LRRN3: variants seen among roughly 807,000 people sequenced by gnomAD.
The protein encoded by LRRN3 is leucine rich repeat neuronal 3, also known as leucine-rich repeat neuronal protein 3.
A neutral mutation model predicts 40.1 loss-of-function variants in LRRN3; 15 were observed. The ratio of observed to expected loss-of-function variants is 0.37; its 90% confidence interval spans 0.25 to 0.58. The LOEUF (loss-of-function observed/expected upper bound fraction) is 0.58. LRRN3 is among the 20% of genes least tolerant of loss of function. The pLI, the probability that LRRN3 is intolerant of heterozygous loss-of-function variation, is 0.72. For synonymous variants in LRRN3, 308 were observed against 297.2 expected (o/e 1.04, Z -0.37); for missense variants, 746 against 837.7 (o/e 0.89, Z 1.35).
chr7:111,122,052 G>C (rs1035184454), intron 2 of LRRN3, among the ~76,000 whole-genome samples: 7 of 146,732 alleles, frequency 4.8e-5, no homozygotes, highest in Non-Finnish European at 1.0e-4. Context: ...ACACAGGAAG[G>C]GGAACATCAC....
chr7:111,108,044 GT>G (rs990334349), intron 2 of LRRN3, among the ~76,000 whole-genome samples: 2 of 151,922 alleles, frequency 1.3e-5, no homozygotes, highest in Non-Finnish European at 1.5e-5. Context: ...TACTGTTTTT[GT>G]TTTTATTGTT....
intron 2 of LRRN3, among the ~76,000 whole-genome samples, chr7:111,117,196 C>A (rs1799983878): frequency 6.6e-6 from 1 of 152,000 alleles, no homozygotes; most frequent in South Asian, 2.1e-4. Context: ...TTAAAAAACA[C>A]AAAGGTTAAA....
chr7:111,103,345 T>C (rs923825330), intron 2 of LRRN3, among the ~76,000 whole-genome samples: 1 of 151,654 alleles, frequency 6.6e-6, no homozygotes, highest in African/African-American at 2.4e-5. Context: ...TTTCAAATAT[T>C]TGCCAACTGC....
chr7:111,109,621 C>T (rs530355479), intron 2 of LRRN3, among the ~76,000 whole-genome samples: 190 of 152,284 alleles, frequency 1.2e-3, no homozygotes, highest in African/African-American at 4.4e-3. Context: ...GCCCCTTCAA[C>T]TTTCACCACC....
At position 111,123,846 on chromosome 7, in the gene LRRN3, A is replaced by G. The variant is rs764594220; in HGVS notation, c.1074A>G (p.Pro358=). The part of the protein sequence containing the change: ...ALYHGTIESL[P]NLKEISIHSN... ...ACCATGGTACCATTGAGTCTCTGCC[A>G]AACCTCAAGGAAATCAGCATACACA... The change falls in exon 3 of 3, where the codon CCA becomes CCG. Residue 358 remains proline (P), a synonymous_variant. Transcript: ENST00000308478. This position sits in a 1 kb window ranked among gnomAD's most constrained non-coding sequence, Gnocchi z 6.4. 1 of 1,614,008 alleles carries G rather than the reference A, an allele frequency of 6.2e-7. No individual in the cohort carries two copies. The highest frequency in any genetic ancestry group is 1.7e-5 in the Admixed American group (1 of 59,942).
chr7:111,101,292 G>C (rs888479818), intron 2 of LRRN3, among the ~76,000 whole-genome samples: 5 of 151,302 alleles, frequency 3.3e-5, no homozygotes, highest in Middle Eastern at 3.2e-3. Context: ...TACATCCCTA[G>C]TCATTGAACA....
rs1312860597 is a variant in LRRN3, at chr7:111,123,553, A to C, written c.781A>C (p.Asn261His). The C allele has an allele frequency of 1.9e-6, 3 of 1,613,830 alleles. No individual in the cohort carries two copies. Among genetic ancestry groups the C allele is most frequent in the Non-Finnish European group, 2.5e-6 (3 of 1,179,898 alleles). The change falls in exon 3 of 3, where the codon AAT (asparagine) becomes CAT (histidine). Residue 261 changes from asparagine (N) to histidine (H), a missense_variant. Physicochemically the swap from Asn to His is moderately conservative, Grantham distance 68. Coordinates refer to ENST00000308478, the MANE Select transcript of LRRN3 (RefSeq NM_001099658.2). This position sits in a 1 kb window ranked among gnomAD's most constrained non-coding sequence, Gnocchi z 6.4. ...VPHVALQKVVNLKFLDLNKNP... is the reference protein window; with the variant it reads ...VPHVALQKVVHLKFLDLNKNP... ...CCATGTTGCTCTTCAAAAAGTTGTAAATCTCAAATTTTTGGATCTAAATAA... is the reference window on the plus strand; with the variant it reads ...CCATGTTGCTCTTCAAAAAGTTGTACATCTCAAATTTTTGGATCTAAATAA...
At chr7:111,120,738 T>C (rs991823407) in intron 2 of LRRN3, among the ~76,000 whole-genome samples, 1 of 152,160 alleles carries the variant, frequency 6.6e-6, no homozygotes, top group African/African-American at 2.4e-5. Flanking sequence ...AGTCACTTTA[T>C]GCAAAGGAGA....
chr7:111,124,042 G>A lies in LRRN3; in HGVS notation c.1270G>A (p.Ala424Thr). 1.2e-6 allele frequency: 2 copies of A among 1,614,018 alleles called. No individual in the cohort carries two copies. The highest frequency in any genetic ancestry group is 2.2e-5 in the South Asian group (2 of 91,076). The change falls in exon 3 of 3, where the codon GCT (alanine) becomes ACT (threonine). Residue 424 changes from alanine (A) to threonine (T), a missense_variant. Physicochemically the swap from Ala to Thr is moderately conservative, Grantham distance 58. Transcript: ENST00000308478. ...GATGGAAATTTGTCTCCCTCTTATA[G>A]CTCCTGAGAGCTTTCCTTCTAATCT... ...DMMEICLPLIAPESFPSNLNV... is the reference protein window; with the variant it reads ...DMMEICLPLITPESFPSNLNV...
chr7:111,100,686 G>C (rs1225285554), intron 2 of LRRN3, among the ~76,000 whole-genome samples: 1 of 151,070 alleles, frequency 6.6e-6, no homozygotes, highest in Non-Finnish European at 1.5e-5. Flanking sequence ...TTAGGCTCTG[G>C]CTGAACTGGA....
chr7:111,124,306 A>C lies in LRRN3; in HGVS notation c.1534A>C (p.Lys512Gln). The C allele has an allele frequency of 2.5e-6, 4 of 1,613,908 alleles. No individual in the cohort carries two copies. Among genetic ancestry groups the C allele is most frequent in the Non-Finnish European group, 3.4e-6 (4 of 1,179,920 alleles). Residue 512 changes from lysine to glutamine, a missense_variant, in exon 3 of 3, where the codon AAA becomes CAA. Physicochemically the swap from Lys to Gln is moderately conservative, Grantham distance 53 (BLOSUM62 1). Coordinates refer to ENST00000308478, the MANE Select transcript of LRRN3 (RefSeq NM_001099658.2). ...CGCTGACTTGAAGTCTGTTATGATC[A>C]AAGTGGATGGATCTTTTCCACAAGA... ...VGADLKSVMIKVDGSFPQDNN... is the reference protein window; with the variant it reads ...VGADLKSVMIQVDGSFPQDNN...
At chr7:111,094,974 C>T (rs1797253550) in intron 1 of LRRN3, among the ~76,000 whole-genome samples, 1 of 152,166 alleles carries the variant, frequency 6.6e-6, no homozygotes, top group Admixed American at 6.6e-5. Context: ...CATCTCAAAT[C>T]TTTCTGAAGA....
intron 2 of LRRN3, among the ~76,000 whole-genome samples, chr7:111,104,757 G>A (rs989038568): frequency 2.0e-5 from 3 of 151,774 alleles, no homozygotes; most frequent in Non-Finnish European, 4.4e-5. Context: ...TAAGCTGTAA[G>A]CTACACTTCC....
chr7:111,114,870 C>G (rs1799685799), intron 2 of LRRN3, among the ~76,000 whole-genome samples: 1 of 151,954 alleles, frequency 6.6e-6, no homozygotes, highest in Admixed American at 6.6e-5. Flanking sequence ...AATGAAGTCA[C>G]TAAAGGTCAC....
chr7:111,113,881 A>G (rs1415511959), intron 2 of LRRN3, among the ~76,000 whole-genome samples: 1 of 152,184 alleles, frequency 6.6e-6, no homozygotes, highest in East Asian at 1.9e-4. Context: ...CTGGAACTAA[A>G]TCATAAGAAT....
At chr7:111,099,794 T>C (rs1223545861) in intron 1 of LRRN3, 87 bp from the exon 2 acceptor site, 1 of 151,708 alleles carries the variant, frequency 6.6e-6, no homozygotes, top group Non-Finnish European at 1.5e-5. Flanking sequence ...ATGAATAACC[T>C]AACATGTAAG....
At chr7:111,101,799 T>C (rs912838229) in intron 2 of LRRN3, among the ~76,000 whole-genome samples, 6 of 151,402 alleles carry the variant, frequency 4.0e-5, no homozygotes, top group African/African-American at 1.5e-4. Context: ...TGTAATAATG[T>C]AAGGCTGTGG....
chr7:111,094,756 A>C (rs1285093374), intron 1 of LRRN3, among the ~76,000 whole-genome samples: 2 of 152,160 alleles, frequency 1.3e-5, no homozygotes. Flanking sequence ...TCACTAGTAA[A>C]ACATGATAAC....
Position 111,123,318 on chromosome 7 carries a change from G to A in LRRN3, c.546G>A (p.Lys182=), listed in dbSNP as rs765065226. ...ATAGATTGCAGATGATCAACAGTAA[G>A]TGGTTTGATGCTCTTCCAAATCTAG... ...NSNRLQMINS[K]WFDALPNLEI... The change falls in exon 3 of 3, where the codon AAG becomes AAA. Residue 182 remains lysine, a synonymous_variant. Coordinates refer to ENST00000308478, the MANE Select transcript of LRRN3 (RefSeq NM_001099658.2). This position sits in a 1 kb window ranked among gnomAD's most constrained non-coding sequence, Gnocchi z 6.4. 2 of 1,613,858 alleles carry A rather than the reference G, an allele frequency of 1.2e-6. No individual in the cohort carries two copies. The highest frequency in any genetic ancestry group is 3.3e-5 in the Admixed American group (2 of 59,954).
Sources: gnomAD v4.1 joint callset for allele counts (sites outside exome capture counted in the v4.1 genomes callset) on GRCh38, gnomAD v4.1.1 for gene constraint, Gnocchi (gnomAD v3.1) non-coding constraint, MANE v1.5 for transcripts, NCBI Gene and HGNC (gene_info 2026-07-23, HGNC 2026-07-21) for gene names.